The following MYLK variants were observed in gnomAD, a reference collection of about 807,000 sequenced individuals.
MYLK encodes myosin light chain kinase, smooth muscle.
In MYLK, 106 loss-of-function variants were observed where a neutral mutation model predicts 203.4. The observed-to-expected ratio is 0.52, with a 90% CI of 0.45 to 0.61. The LOEUF (loss-of-function observed/expected upper bound fraction) is 0.61, where lower values mean the gene tolerates loss of function less well. Ranked by LOEUF, MYLK falls within the 20% of genes least tolerant of loss-of-function variation. The probability of loss-of-function intolerance (pLI) is 0.00; values close to 1 mark genes in which losing one functional copy is unlikely to be tolerated. For synonymous variants in MYLK, 867 were observed against 959.5 expected, an observed-to-expected ratio of 0.90 and a Z score of 1.78; for missense variants, 2,072 against 2,442.3, an observed-to-expected ratio of 0.85 and a Z score of 3.20.
At chr3:123,650,575 A>G (rs1390334905) in intron 24 of MYLK, among the ~76,000 whole-genome samples, 1 of 152,168 alleles carries the variant, frequency 6.6e-6, no homozygotes, top group Non-Finnish European at 1.5e-5. Flanking sequence ...ATGGGATTGG[A>G]AAGTATATTT....
intron 23 of MYLK, 47 bp downstream of exon 23, chr3:123,664,058 G>T: frequency 6.2e-7 from 1 of 1,612,724 alleles, no homozygotes; most frequent in East Asian, 2.2e-5. Flanking sequence ...GGGGCTCCCT[G>T]CCTTCCCCTT....
chr3:123,647,636 A>G (rs939143999), intron 26 of MYLK, among the ~76,000 whole-genome samples: 1 of 152,208 alleles, frequency 6.6e-6, no homozygotes, highest in Non-Finnish European at 1.5e-5. Context: ...TATCGCCCAT[A>G]AAATCTAAGA....
At chr3:123,625,604 T>G (rs1576345909) in intron 31 of MYLK, among the ~76,000 whole-genome samples, 1 of 151,934 alleles carries the variant, frequency 6.6e-6, no homozygotes, top group East Asian at 1.9e-4. Flanking sequence ...GTCAGGAGAT[T>G]GAGACCATCC....
At chr3:123,634,487 T>G (rs996639107) in intron 29 of MYLK, among the ~76,000 whole-genome samples, 1 of 151,976 alleles carries the variant, frequency 6.6e-6, no homozygotes, top group Admixed American at 6.5e-5. Context: ...ACACCTCTCC[T>G]CCCTCCTGGC....
rs567718056 is a variant in MYLK, at chr3:123,779,470, A to G, written c.165+14207T>C. Among the ~76,000 whole-genome samples the G allele has an allele frequency of 2.6e-4, 39 of 152,244 alleles. No homozygotes were observed. In the South Asian group the frequency reaches 7.0e-3, roughly 28 times the overall value. On this transcript the variant is annotated intron_variant, in intron 4 of 33. Transcript: ENST00000360304. ...TTCCCAGCATTTGGTGGCCGGGTTG[A>G]GCCAAGTTCTTCACACTCCACAGAC...
chr3:123,736,539 C>T (rs1378321919), intron 8 of MYLK, among the ~76,000 whole-genome samples: 4 of 151,898 alleles, frequency 2.6e-5, no homozygotes, highest in African/African-American at 2.4e-5. Context: ...AAGGAGGAGA[C>T]GTGTTCAACA....
chr3:123,788,259 T>C (rs982172519), intron 4 of MYLK, among the ~76,000 whole-genome samples: 1 of 152,140 alleles, frequency 6.6e-6, no homozygotes, highest in East Asian at 1.9e-4. Context: ...AGCACCTAAT[T>C]ATACACTGTC....
At chr3:123,879,171 C>T (rs976431336) in intron 1 of MYLK, among the ~76,000 whole-genome samples, 1 of 152,216 alleles carries the variant, frequency 6.6e-6, no homozygotes, top group Non-Finnish European at 1.5e-5. Flanking sequence ...GGCTTTCACT[C>T]TGGCCACCCA....
At chr3:123,851,037 CA>C (rs1299497775) in intron 2 of MYLK, among the ~76,000 whole-genome samples, 2 of 152,168 alleles carry the variant, frequency 1.3e-5, no homozygotes, top group African/African-American at 4.8e-5. Context: ...TCAGTTTTGA[CA>C]AAGATCAGAT....
Position 123,737,460 on chromosome 3 carries a change from G to A in MYLK, c.672C>T (p.Asn224=), listed in dbSNP as rs941148082. ...ACGTGTACACTCCCACGTCATCTTG[G>A]TTGACTCCATGGATTTCCAGAACCT... ...GMQVLEIHGV[N]QDDVGVYTCL... Residue 224 remains asparagine (N), a synonymous_variant, in exon 8 of 34, where the codon AAC becomes AAT. Coordinates refer to ENST00000360304, the MANE Select transcript of MYLK (RefSeq NM_053025.4). 23 of 1,614,062 alleles carry A rather than the reference G, an allele frequency of 1.4e-5. No individual in the cohort carries two copies. Among genetic ancestry groups the A allele is most frequent in the Non-Finnish European group, 1.9e-5 (23 of 1,180,046 alleles).
intron 4 of MYLK, among the ~76,000 whole-genome samples, chr3:123,756,896 A>G (rs963900061): frequency 6.6e-6 from 1 of 152,226 alleles, no homozygotes; most frequent in African/African-American, 2.4e-5. Context: ...AAAAATAAAG[A>G]TATAGTCACC....
At chr3:123,709,733 AAG>A (rs750482655) in intron 14 of MYLK, 21 bp downstream of exon 14, 64 of 1,538,950 alleles carry the variant, frequency 4.2e-5, no homozygotes, top group Non-Finnish European at 5.6e-5. Flanking sequence ...GTTAATCCCC[AAG>A]AGAGAGCTGC....
chr3:123,746,845 T>C (rs565820271), intron 5 of MYLK, among the ~76,000 whole-genome samples: 18 of 152,266 alleles, frequency 1.2e-4, no homozygotes, highest in African/African-American at 3.6e-4. Flanking sequence ...AATGAAGTCA[T>C]TGGGGAGTTT....
At chr3:123,735,044 C>A (rs1235622381) in intron 9 of MYLK, 2 of 359,454 alleles carry the variant, frequency 5.6e-6, no homozygotes, top group Non-Finnish European at 1.1e-5. Flanking sequence ...GAAAGAGGCT[C>A]CTGCTGGGTC....
chr3:123,874,098 A>C (rs921436327), intron 2 of MYLK, among the ~76,000 whole-genome samples: 1 of 152,268 alleles, frequency 6.6e-6, no homozygotes. Flanking sequence ...GATTCAATGC[A>C]ATACCAACAG....
chr3:123,853,096 C>T (rs2031009275), intron 2 of MYLK, among the ~76,000 whole-genome samples: 1 of 151,804 alleles, frequency 6.6e-6, no homozygotes, highest in Non-Finnish European at 1.5e-5. Context: ...CTGACAGAAG[C>T]CTAATCCCAA....
In MYLK at chr3:123,638,159, G is replaced by A; in HGVS notation, c.4873C>T (p.Pro1625Ser). The A allele has an allele frequency of 6.2e-7, 1 of 1,614,036 alleles. No individual in the cohort carries two copies. Among genetic ancestry groups the A allele is most frequent in the South Asian group, 1.1e-5 (1 of 91,072 alleles). The change falls in exon 29 of 34, where the codon CCA (proline) becomes TCA (serine). Residue 1625 changes from proline (P) to serine (S), a missense_variant. By Grantham distance (74) the Pro-to-Ser change is moderately conservative. Around this residue, in one of 3 missense-constraint regions of MYLK, gnomAD observed 524 missense variants for 782.4 expected, o/e 0.67. Transcript: ENST00000360304. ...ATCACTTCAGGAGCCACAAATTCTGGGGTGCCAAAGAGGACCTTCAGAGAC... is the reference window on the plus strand; with the variant it reads ...ATCACTTCAGGAGCCACAAATTCTGAGGTGCCAAAGAGGACCTTCAGAGAC... ...AGSLKVLFGT[P>S]EFVAPEVINY...
At chr3:123,663,092 G>T (rs2059617092) in intron 23 of MYLK, among the ~76,000 whole-genome samples, 1 of 152,168 alleles carries the variant, frequency 6.6e-6, no homozygotes, top group Non-Finnish European at 1.5e-5. Flanking sequence ...CTCTCTGTCT[G>T]CTCCTCTGCC....
intron 12 of MYLK, among the ~76,000 whole-genome samples, chr3:123,723,687 C>G (rs76245393): frequency 1.3e-5 from 2 of 152,182 alleles, no homozygotes; most frequent in Non-Finnish European, 2.9e-5. Context: ...TCTCCCAGCT[C>G]GGAGGCTGGG....
Sources: allele counts gnomAD v4.1 joint callset (sites outside exome capture counted in the v4.1 genomes callset), GRCh38; gene constraint gnomAD v4.1.1; regional missense constraint gnomAD v4.1.1; transcripts MANE v1.5; gene names NCBI Gene and HGNC (gene_info 2026-07-23, HGNC 2026-07-21).